VPS53: variants seen among roughly 807,000 people sequenced by gnomAD.
VPS53 encodes VPS53 subunit of GARP complex, also known as vacuolar protein sorting-associated protein 53 homolog.
In VPS53, 70 loss-of-function variants were observed where a neutral mutation model predicts 107.0. The ratio of observed to expected loss-of-function variants is 0.65; its 90% CI spans 0.54 to 0.80. The LOEUF (loss-of-function observed/expected upper bound fraction) is 0.80, where lower values mean the gene tolerates loss of function less well. VPS53 is among the 30% of genes least tolerant of loss of function. The pLI is 0.00. For missense variants in VPS53, 917 were observed against 1,049.4 expected, an observed-to-expected ratio of 0.87 and a Z score of 1.74; for synonymous variants, 409 against 393.3, an observed-to-expected ratio of 1.04 and a Z score of -0.47.
rs1421615382 is a variant in VPS53, at chr17:587,840, A to T, written c.1219-1476T>A. On this transcript the variant is annotated intron_variant, in intron 12 of 21. Coordinates refer to ENST00000437048, the MANE Select transcript of VPS53 (RefSeq NM_001128159.3). ...TTGAACTACTCATATCTTATTTTTT[A>T]AAAACCCACTTTATTGAGGTATGAT... 2.6e-5 allele frequency among the ~76,000 whole-genome samples: 4 copies of T among 152,292 alleles called. No individual in the cohort carries two copies. In the East Asian group the frequency reaches 5.8e-4, roughly 22 times the overall value.
chr17:703,053 C>CA (rs1410190487), intron 2 of VPS53, among the ~76,000 whole-genome samples: 1 of 152,064 alleles, frequency 6.6e-6, no homozygotes, highest in East Asian at 1.9e-4. Context: ...ACCAAAAATA[C>CA]AAAAAACTAC....
In VPS53 at chr17:560,572, T is replaced by C. The variant is rs1338178787; in HGVS notation, c.1558A>G (p.Thr520Ala). Residue 520 changes from threonine to alanine, a missense_variant and splice_region_variant, in exon 15 of 22, where the codon ACC (threonine) becomes GCC (alanine). Physicochemically the swap from Thr to Ala is moderately conservative, Grantham distance 58. Coordinates refer to ENST00000437048, the MANE Select transcript of VPS53 (RefSeq NM_001128159.3). Reference sequence around the variant, plus strand: ...GTCAGTCCTCCACTGCTGGTTGTGGTTCTGAAGAAAAGGAACAGGAACAAG... The same window carrying C: ...GTCAGTCCTCCACTGCTGGTTGTGGCTCTGAAGAAAAGGAACAGGAACAAG... ...WKILSGNLPK[T>A]TTSSGGLTIS... The C allele has an allele frequency of 1.2e-6, 2 of 1,613,114 alleles. No individual in the cohort carries two copies. Among genetic ancestry groups the C allele is most frequent in the Admixed American group, 1.7e-5 (1 of 59,754 alleles).
intron 12 of VPS53, among the ~76,000 whole-genome samples, chr17:594,324 T>C (rs975270217): frequency 1.6e-4 from 24 of 152,186 alleles, no homozygotes; most frequent in African/African-American, 5.5e-4. Flanking sequence ...TAATAATAAA[T>C]AAATAAATAA....
At position 562,719 on chromosome 17, in the gene VPS53, A is replaced by G; in HGVS notation, c.1340T>C (p.Phe447Ser). Residue 447 changes from phenylalanine to serine, a missense_variant, in exon 14 of 22, where the codon TTT becomes TCT. Coordinates refer to ENST00000437048, the MANE Select transcript of VPS53 (RefSeq NM_001128159.3). ...DKNLGELIDR[F>S]VADFKAQGPP... The stretch of plus-strand genomic sequence containing the variant: ...CCCCTGGGCTTTGAAATCAGCCACA[A>G]ACCGATCTATCAGCTCTCCGAGGTT... 1.2e-6 allele frequency: 2 copies of G among 1,613,792 alleles called. No individual in the cohort carries two copies. The highest frequency in any genetic ancestry group is 1.7e-6 in the Non-Finnish European group (2 of 1,179,914).
At chr17:648,640 A>G (rs1369388787) in intron 7 of VPS53, among the ~76,000 whole-genome samples, 1 of 152,056 alleles carries the variant, frequency 6.6e-6, no homozygotes, top group Non-Finnish European at 1.5e-5. Flanking sequence ...TGCCATGCTG[A>G]ACAAACTGAA....
At chr17:607,739 G>A (rs1468977288) in intron 11 of VPS53, among the ~76,000 whole-genome samples, 1 of 152,210 alleles carries the variant, frequency 6.6e-6, no homozygotes, top group East Asian at 1.9e-4. Context: ...GATGACAGTT[G>A]ATTTCAAGCC....
chr17:678,007 G>A (rs1468699420), intron 4 of VPS53, among the ~76,000 whole-genome samples: 1 of 152,140 alleles, frequency 6.6e-6, no homozygotes, highest in Non-Finnish European at 1.5e-5. Context: ...TGTAGTCCCA[G>A]CTACTCAGGA....
At chr17:627,145 C>A in intron 10 of VPS53, 29 bp downstream of exon 10, 2 of 1,599,818 alleles carry the variant, frequency 1.3e-6, no homozygotes, top group Non-Finnish European at 1.7e-6. Flanking sequence ...TTTGATTAAC[C>A]ACAGAACCAG....
At chr17:667,866 T>C (rs1193184840) in intron 4 of VPS53, among the ~76,000 whole-genome samples, 1 of 152,116 alleles carries the variant, frequency 6.6e-6, no homozygotes, top group Admixed American at 6.5e-5. Flanking sequence ...AGCAGCGGTA[T>C]TAGATTCTCA....
At chr17:713,880 C>CAA (rs59315713) in intron 1 of VPS53, among the ~76,000 whole-genome samples, 6 of 138,378 alleles carry the variant, frequency 4.3e-5, no homozygotes, top group African/African-American at 1.6e-4. Flanking sequence ...GTCTTTACCC[C>CAA]AAAAAAAAAA....
chr17:515,797 CAA>C lies in VPS53; in HGVS notation c.*3329_*3330del, dbSNP rs374908986. The C allele has an allele frequency of 6.7e-6, 1 of 149,426 alleles. No individual in the cohort carries two copies. The highest frequency in any genetic ancestry group is 2.0e-4 in the East Asian group (1 of 5,108). 9.3% of individuals were successfully genotyped at this position (149,426 alleles called of 1,614,324 possible). On this transcript the variant is annotated 3_prime_UTR_variant, in exon 22 of 22. Coordinates refer to ENST00000437048, the MANE Select transcript of VPS53 (RefSeq NM_001128159.3). Reference sequence around the variant, plus strand: ...TCCTGGGCATGGTCCCCACCACCACCAAAAGTCTTTTTTTTTTAACTGAGTCT... The same window carrying C: ...TCCTGGGCATGGTCCCCACCACCACCAAGTCTTTTTTTTTTAACTGAGTCT...
At chr17:604,337 G>A (rs1259047093) in intron 11 of VPS53, among the ~76,000 whole-genome samples, 1 of 152,056 alleles carries the variant, frequency 6.6e-6, no homozygotes, top group Non-Finnish European at 1.5e-5. Flanking sequence ...AGGGTAGGAA[G>A]AAGTCGAGCC....
At chr17:562,319 G>A (rs1913085952) in intron 14 of VPS53, among the ~76,000 whole-genome samples, 184 bp downstream of exon 14, 1 of 152,144 alleles carries the variant, frequency 6.6e-6, no homozygotes, top group African/African-American at 2.4e-5. Flanking sequence ...CATTTCCTCT[G>A]ATGGTCTTGA....
chr17:574,426 G>C (rs1238289800), intron 13 of VPS53, among the ~76,000 whole-genome samples: 1 of 152,176 alleles, frequency 6.6e-6, no homozygotes, highest in East Asian at 1.9e-4. Flanking sequence ...TTTAAACCAG[G>C]TAGGTTTTGG....
chr17:619,927 C>T (rs1969396137), intron 11 of VPS53, among the ~76,000 whole-genome samples: 1 of 145,014 alleles, frequency 6.9e-6, no homozygotes. Context: ...TGCGCCACCA[C>T]GCCCCGCTAG....
intron 2 of VPS53, among the ~76,000 whole-genome samples, chr17:709,658 T>C (rs1973562487): frequency 6.6e-6 from 1 of 152,068 alleles, no homozygotes; most frequent in South Asian, 2.1e-4. Context: ...TGACAACACA[T>C]GACAGGCACC....
Position 514,804 on chromosome 17 carries a change from G to A in VPS53, c.*4324C>T, listed in dbSNP as rs116314941. The stretch of plus-strand genomic sequence containing the variant: ...TCAGTCCTGTCTGATCTGCACAGAG[G>A]AGCCACCCTAGACATAAGAAATCAG... On this transcript the variant is annotated 3_prime_UTR_variant, in exon 22 of 22. Coordinates refer to ENST00000437048, the MANE Select transcript of VPS53 (RefSeq NM_001128159.3). 4.9e-4 allele frequency: 74 copies of A among 152,394 alleles called. No individual in the cohort carries two copies. The highest frequency in any genetic ancestry group is 1.8e-3 in the African/African-American group (73 of 41,516). The allele number at this position is 152,394 out of a possible 1,614,324, so 9.4% of individuals were successfully genotyped here.
chr17:607,948 A>G (rs1444783604), intron 11 of VPS53, among the ~76,000 whole-genome samples: 1 of 152,144 alleles, frequency 6.6e-6, no homozygotes, highest in Admixed American at 6.5e-5. Flanking sequence ...GTGAGGCCCT[A>G]GCTGGACACA....
chr17:566,250 C>G (rs1430144379), intron 13 of VPS53, among the ~76,000 whole-genome samples: 1 of 151,996 alleles, frequency 6.6e-6, no homozygotes, highest in Non-Finnish European at 1.5e-5. Flanking sequence ...TTCTCCCATC[C>G]TGGGCCACGG....
Sources: allele counts gnomAD v4.1 joint callset (sites outside exome capture counted in the v4.1 genomes callset), GRCh38; gene constraint gnomAD v4.1.1; transcripts MANE v1.5; gene names NCBI Gene and HGNC (gene_info 2026-07-23, HGNC 2026-07-21).